SARDH: variants seen among roughly 807,000 people sequenced by gnomAD.
SARDH encodes the protein sarcosine dehydrogenase.
SARDH carries 95 observed loss-of-function variants against 109.1 expected under a neutral mutation model. That is an observed-to-expected ratio of 0.87 (90% CI 0.74 to 1.03). SARDH has a LOEUF of 1.03. SARDH is among the 50% of genes least tolerant of loss of function. The pLI is 0.00. For missense variants in SARDH, 1,267 were observed against 1,287.8 expected (o/e 0.98, Z 0.25); for synonymous variants, 572 against 534.8 (o/e 1.07, Z -0.96).
intron 17 of SARDH, among the ~76,000 whole-genome samples, chr9:133,674,696 G>A (rs1042765949): frequency 2.0e-5 from 3 of 152,234 alleles, no homozygotes; most frequent in Admixed American, 6.5e-5. Context: ...ATGCAGAAGC[G>A]AGAAGCTGGT....
chr9:133,688,569 G>C (rs1280445437), intron 16 of SARDH, among the ~76,000 whole-genome samples: 1 of 151,978 alleles, frequency 6.6e-6, no homozygotes, highest in Admixed American at 6.5e-5. Context: ...GCCCGACCAT[G>C]TTCCTCCTCT....
chr9:133,717,504 T>C (rs771794939), intron 7 of SARDH, 49 bp from the exon 8 acceptor site: 1 of 1,606,704 alleles, frequency 6.2e-7, no homozygotes, highest in Non-Finnish European at 8.5e-7. Flanking sequence ...AAGAAGGCCA[T>C]GCATCCCCAT....
intron 17 of SARDH, among the ~76,000 whole-genome samples, chr9:133,677,517 C>G (rs1311051269): frequency 6.6e-6 from 1 of 152,164 alleles, no homozygotes; most frequent in African/African-American, 2.4e-5. Context: ...GGAATAGGTG[C>G]TTTGGAATCA....
Position 133,733,955 on chromosome 9 carries a change from A to C in SARDH, c.219T>G (p.Gly73=). 1.2e-6 allele frequency: 2 copies of C among 1,607,600 alleles called. No homozygotes were observed. The highest frequency in any genetic ancestry group is 1.7e-6 in the Non-Finnish European group (2 of 1,176,928). ...LPSTANVVVI[G]GGSLGCQTLY... ...GGGTCTGGCAGCCCAAGCTGCCTCC[A>C]CCAATGACCACCACGTTGGCCGTGC... Residue 73 remains glycine (G), a synonymous_variant, in exon 2 of 21, where the codon GGT becomes GGG. Coordinates refer to ENST00000439388, the MANE Select transcript of SARDH (RefSeq NM_001134707.2).
In SARDH at chr9:133,663,969, T is replaced by A. The variant is rs1296615260; in HGVS notation, c.2677A>T (p.Met893Leu). Residue 893 changes from methionine to leucine, a missense_variant, in exon 21 of 21, where the codon ATG (methionine) becomes TTG (leucine). Met to Leu is a conservative substitution (Grantham distance 15). Coordinates refer to ENST00000439388, the MANE Select transcript of SARDH (RefSeq NM_001134707.2). Reference protein sequence around the residue: ...VKSGDYALERMGVTYGAQAHL... With the variant: ...VKSGDYALERLGVTYGAQAHL... ...GCCTGGGCACCATAGGTCACCCCCATTCTCTCCAGGGCATAGTCCCCGCTC... is the reference window on the plus strand; with the variant it reads ...GCCTGGGCACCATAGGTCACCCCCAATCTCTCCAGGGCATAGTCCCCGCTC... 2 of 1,614,130 alleles carry A rather than the reference T, an allele frequency of 1.2e-6. No individual in the cohort carries two copies.
At position 133,734,099 on chromosome 9, in the gene SARDH, T is replaced by C; in HGVS notation, c.75A>G (p.Pro25=). Residue 25 remains proline (P), a synonymous_variant, in exon 2 of 21, where the codon CCA becomes CCG. Transcript: ENST00000439388. Reference sequence around the variant, plus strand: ...GGCCAGCTGCGCTGGACAGGTTGCATGGCCCCATGCCCCGGGTAGGGCTCT... The same window carrying C: ...GGCCAGCTGCGCTGGACAGGTTGCACGGCCCCATGCCCCGGGTAGGGCTCT... ...PRQSPTRGMG[P]CNLSSAAGPT... is the part of the protein sequence containing the mutation. 1.9e-6 allele frequency: 3 copies of C among 1,612,716 alleles called. No individual in the cohort carries two copies. The highest frequency in any genetic ancestry group is 1.1e-5 in the South Asian group (1 of 91,000).
At chr9:133,720,970 G>A (rs1832304316) in intron 6 of SARDH, among the ~76,000 whole-genome samples, 1 of 152,036 alleles carries the variant, frequency 6.6e-6, no homozygotes, top group Non-Finnish European at 1.5e-5. Context: ...CCAGCGATTA[G>A]GCTAAAAGAA....
chr9:133,693,439 G>T lies in SARDH; in HGVS notation c.1921+819C>A, dbSNP rs1164865195. On this transcript the variant is annotated intron_variant, in intron 15 of 20. Coordinates refer to ENST00000439388, the MANE Select transcript of SARDH (RefSeq NM_001134707.2). The surrounding 1 kb of genome is among the most constrained non-coding windows in gnomAD (Gnocchi z 5.6). The stretch of plus-strand genomic sequence containing the variant: ...CAGGTCAAGAACCAGGAGATGCCAG[G>T]TTTTCTGAATGGGCTGAGCCCTCCC... Among the ~76,000 whole-genome samples, 1 of 152,194 alleles carries T rather than the reference G, an allele frequency of 6.6e-6. No individual in the cohort carries two copies. The highest frequency in any genetic ancestry group is 1.5e-5 in the Non-Finnish European group (1 of 68,032).
rs755959666 is a variant in SARDH at position 133,690,463 on chromosome 9, G to A, written c.1986C>T (p.Thr662=). Residue 662 remains threonine (T), a synonymous_variant, in exon 16 of 21, where the codon ACC becomes ACT. Coordinates refer to ENST00000439388, the MANE Select transcript of SARDH (RefSeq NM_001134707.2). The part of the protein sequence containing the change: ...VAQHNWSHIT[T]VLQDQKSQCQ... ...ACTGGGACTTCTGGTCCTGCAGCAC[G>A]GTGGTGATGTGGGACCAGTTGTGCT... 48 of 1,612,366 alleles carry A rather than the reference G, an allele frequency of 3.0e-5. No individual in the cohort carries two copies. Among genetic ancestry groups the A allele is most frequent in the Middle Eastern group, 1.6e-4 (1 of 6,082 alleles).
chr9:133,719,785 C>T (rs1832260189), intron 6 of SARDH, among the ~76,000 whole-genome samples: 1 of 152,136 alleles, frequency 6.6e-6, no homozygotes, highest in Non-Finnish European at 1.5e-5. Context: ...CCCTCCAAGC[C>T]TCCAATCACA....
chr9:133,683,143 A>C (rs10993962), intron 17 of SARDH, among the ~76,000 whole-genome samples: 7,648 of 152,216 alleles, frequency 0.05, 646 homozygotes, highest in African/African-American at 0.17. Context: ...CCTAGGCCAC[A>C]CAGGTAGAGG....
At chr9:133,691,752 A>G (rs533025869) in intron 15 of SARDH, among the ~76,000 whole-genome samples, 1 of 152,316 alleles carries the variant, frequency 6.6e-6, no homozygotes, top group South Asian at 2.1e-4. Context: ...CAACACGCGC[A>G]TATTTAATGC....
intron 17 of SARDH, among the ~76,000 whole-genome samples, chr9:133,673,894 G>A (rs1830433121): frequency 6.6e-6 from 1 of 152,236 alleles, no homozygotes; most frequent in Non-Finnish European, 1.5e-5. Flanking sequence ...TTCACGGGTG[G>A]AAGGGAGGGA....
At chr9:133,722,644 T>TCC (rs1832364631) in intron 6 of SARDH, among the ~76,000 whole-genome samples, 1 of 10,948 alleles carries the variant, frequency 9.1e-5, no homozygotes, top group African/African-American at 1.4e-4. Context: ...CTACTAGCGC[T>TCC]CTCTCTCTCT....
chr9:133,712,950 A>C lies in SARDH; in HGVS notation c.1237+88T>G. ...CCTGTCCCCACCACTGTCGGGGGCC[A>C]CGGTGCTCCTGCGCCCGCCTCCCCC... On this transcript the variant is annotated intron_variant, in intron 9 of 20. Transcript: ENST00000439388. This position sits in a 1 kb window ranked among gnomAD's most constrained non-coding sequence, Gnocchi z 4.1. 2.3e-6 allele frequency: 3 copies of C among 1,324,570 alleles called. No homozygotes were observed. The highest frequency in any genetic ancestry group is 3.2e-6 in the Non-Finnish European group (3 of 948,608). The allele number at this position is 1,324,570 out of a possible 1,614,324, so 82.1% of individuals were successfully genotyped here. A position where few individuals can be genotyped will look rare whatever the true frequency, so the allele number is the denominator to read the frequency against.
rs1831156520 is a variant in SARDH at position 133,692,968 on chromosome 9, C to T, written c.1921+1290G>A. Reference sequence around the variant, plus strand: ...CCAGACCGCAGGGCTCACCTCACTACTCCCTGCTTTTGGCAGAACCGCAGA... The same window carrying T: ...CCAGACCGCAGGGCTCACCTCACTATTCCCTGCTTTTGGCAGAACCGCAGA... On this transcript the variant is annotated intron_variant, in intron 15 of 20. Transcript: ENST00000439388. The surrounding 1 kb of genome is among the most constrained non-coding windows in gnomAD (Gnocchi z 5.0). Among the ~76,000 whole-genome samples the T allele has an allele frequency of 6.6e-6, 1 of 152,156 alleles. No homozygotes were observed. Among genetic ancestry groups the T allele is most frequent in the South Asian group, 2.1e-4 (1 of 4,828 alleles).
Position 133,696,241 on chromosome 9 carries a change from C to G in SARDH, c.1789G>C (p.Asp597His). The G allele has an allele frequency of 6.2e-7, 1 of 1,614,094 alleles. No individual in the cohort carries two copies. The highest frequency in any genetic ancestry group is 8.5e-7 in the Non-Finnish European group (1 of 1,180,034). ...RKAADWLFSA[D>H]VSRPPGSTVY... ...TCCATACCTGGGGGTCGGCTGACATCTGCGGAGAAGAGCCAGTCGGCAGCC... is the reference window on the plus strand; with the variant it reads ...TCCATACCTGGGGGTCGGCTGACATGTGCGGAGAAGAGCCAGTCGGCAGCC... Residue 597 changes from aspartate (D) to histidine (H), a missense_variant, in exon 14 of 21, where the codon GAT becomes CAT. Asp to His is a moderately conservative substitution (Grantham distance 81). Transcript: ENST00000439388.
In SARDH at chr9:133,718,859, G is replaced by C. The variant is rs1033899371; in HGVS notation, c.1020+79C>G. Reference sequence around the variant, plus strand: ...GCCTCTGAGGAGCTTCAGGAGGATGGACTTCCTGAAAGAGGCCCTCTCCAT... The same window carrying C: ...GCCTCTGAGGAGCTTCAGGAGGATGCACTTCCTGAAAGAGGCCCTCTCCAT... On this transcript the variant is annotated intron_variant, in intron 7 of 20. Coordinates refer to ENST00000439388, the MANE Select transcript of SARDH (RefSeq NM_001134707.2). This position sits in a 1 kb window ranked among gnomAD's most constrained non-coding sequence, Gnocchi z 4.2. 4 of 1,120,548 alleles carry C rather than the reference G, an allele frequency of 3.6e-6. No individual in the cohort carries two copies. The African/African-American group carries it at 6.1e-5, about 17-fold the overall frequency. 69.4% of individuals were successfully genotyped at this position (1,120,548 alleles called of 1,614,324 possible).
At chr9:133,736,507 C>T (rs1452962973) in intron 1 of SARDH, among the ~76,000 whole-genome samples, 3 of 152,216 alleles carry the variant, frequency 2.0e-5, no homozygotes, top group South Asian at 4.1e-4. Flanking sequence ...GCGATTCTCC[C>T]ACCTCAGCCT....
Sources: allele counts gnomAD v4.1 joint callset (sites outside exome capture counted in the v4.1 genomes callset), GRCh38; gene constraint gnomAD v4.1.1; non-coding constraint Gnocchi (gnomAD v3.1); transcripts MANE v1.5; gene names NCBI Gene and HGNC (gene_info 2026-07-23, HGNC 2026-07-21).